Variants in ADCY9 observed in about 807,000 individuals in gnomAD.
The protein encoded by ADCY9 is adenylate cyclase 9.
ADCY9 carries 50 observed loss-of-function variants against 101.5 expected under a neutral mutation model. The observed-to-expected ratio is 0.49, with a 90% CI of 0.39 to 0.62. ADCY9 has a LOEUF of 0.62. Among genes scored for constraint, ADCY9 ranks in the 20% least tolerant of loss-of-function variants. ADCY9 has a pLI of 0.00. For synonymous variants in ADCY9, 905 were observed against 769.3 expected, an observed-to-expected ratio of 1.18 and a Z score of -2.92; for missense variants, 1,662 against 1,800.4, an observed-to-expected ratio of 0.92 and a Z score of 1.39.
chr16:4,015,227 G>C (rs533736233), intron 2 of ADCY9, among the ~76,000 whole-genome samples: 13 of 151,932 alleles, frequency 8.6e-5, no homozygotes, highest in African/African-American at 2.4e-4. Context: ...AGGCGTGAGC[G>C]ACCGTGCCTG....
chr16:4,058,772 C>T (rs896942474), intron 2 of ADCY9, among the ~76,000 whole-genome samples: 2 of 152,144 alleles, frequency 1.3e-5, no homozygotes, highest in African/African-American at 4.8e-5. Flanking sequence ...CTAAAAATCC[C>T]TCCGTCTTAG....
At chr16:4,070,406 A>C (rs1225032833) in intron 2 of ADCY9, among the ~76,000 whole-genome samples, 3 of 152,224 alleles carry the variant, frequency 2.0e-5, no homozygotes, top group Admixed American at 2.0e-4. Flanking sequence ...TGTGGATGAA[A>C]GTTTCAAATA....
At chr16:4,083,103 A>T (rs2056915914) in intron 2 of ADCY9, among the ~76,000 whole-genome samples, 1 of 152,232 alleles carries the variant, frequency 6.6e-6, no homozygotes, top group Non-Finnish European at 1.5e-5. Context: ...CCTCTGAATT[A>T]ATCAACCCTG....
intron 2 of ADCY9, among the ~76,000 whole-genome samples, chr16:4,057,787 G>A (rs1381426410): frequency 6.6e-6 from 1 of 152,132 alleles, no homozygotes; most frequent in East Asian, 1.9e-4. Context: ...GAGCACTGTG[G>A]CCAGCACGTT....
intron 2 of ADCY9, among the ~76,000 whole-genome samples, chr16:4,013,556 C>T (rs573177753): frequency 1.3e-5 from 2 of 152,352 alleles, no homozygotes; most frequent in East Asian, 1.9e-4. Flanking sequence ...TAGAAGCTTA[C>T]GTCACTTATG....
intron 2 of ADCY9, among the ~76,000 whole-genome samples, chr16:4,068,248 T>G (rs892346442): frequency 1.3e-5 from 2 of 152,074 alleles, no homozygotes; most frequent in African/African-American, 4.8e-5. Flanking sequence ...ATATAATGAA[T>G]TTTTGCCAAC....
intron 2 of ADCY9, among the ~76,000 whole-genome samples, chr16:4,066,055 G>C (rs2056799362): frequency 6.6e-6 from 1 of 152,212 alleles, no homozygotes; most frequent in African/African-American, 2.4e-5. Flanking sequence ...TCCTGCTGCT[G>C]CCTCTTAAGG....
chr16:3,987,732 A>G (rs1329124077), intron 6 of ADCY9, among the ~76,000 whole-genome samples: 1 of 152,192 alleles, frequency 6.6e-6, no homozygotes, highest in African/African-American at 2.4e-5. Context: ...TCTAGAGCCC[A>G]AGCCAGGACA....
chr16:4,057,342 GT>G (rs1452472019), intron 2 of ADCY9, among the ~76,000 whole-genome samples: 1 of 151,986 alleles, frequency 6.6e-6, no homozygotes, highest in African/African-American at 2.4e-5. Context: ...CAATTCATCT[GT>G]TTCCAGGGTA....
chr16:3,974,234 C>A (rs1159797595), intron 10 of ADCY9, among the ~76,000 whole-genome samples: 2 of 151,858 alleles, frequency 1.3e-5, no homozygotes. Context: ...TTAGTAGAGA[C>A]GGGGTTTCAC....
intron 5 of ADCY9, among the ~76,000 whole-genome samples, chr16:3,957,524 G>T (rs1408619881): frequency 6.6e-6 from 1 of 152,104 alleles, no homozygotes; most frequent in East Asian, 1.9e-4. Flanking sequence ...GGCCACAGGC[G>T]GAGTGCAGAA....
chr16:4,053,190 G>A (rs1489224195), intron 2 of ADCY9, among the ~76,000 whole-genome samples: 3 of 152,160 alleles, frequency 2.0e-5, no homozygotes, highest in South Asian at 2.1e-4. Flanking sequence ...ATACACCAGC[G>A]CGGTTATCCA....
chr16:4,028,073 A>G (rs961594437), intron 2 of ADCY9, among the ~76,000 whole-genome samples: 1 of 152,134 alleles, frequency 6.6e-6, no homozygotes, highest in Admixed American at 6.6e-5. Context: ...TTAAAAGGTC[A>G]ACCCTTGGGA....
At chr16:3,999,767 G>C (rs559170172) in intron 3 of ADCY9, among the ~76,000 whole-genome samples, 1 of 152,238 alleles carries the variant, frequency 6.6e-6, no homozygotes, top group Non-Finnish European at 1.5e-5. Context: ...CGTGGGCTTT[G>C]GAGGGAAGAG....
At chr16:4,000,906 A>G (rs1332519137) in intron 3 of ADCY9, among the ~76,000 whole-genome samples, 2 of 150,078 alleles carry the variant, frequency 1.3e-5, no homozygotes, top group Non-Finnish European at 3.0e-5. Flanking sequence ...TGGAAATGCA[A>G]TATTTCACTC....
intron 2 of ADCY9, among the ~76,000 whole-genome samples, chr16:4,099,915 G>A (rs148721167): frequency 4.6e-4 from 70 of 152,320 alleles, no homozygotes; most frequent in African/African-American, 1.5e-3. Context: ...TCAGCTGGGC[G>A]TGGTGGTGCA....
At chr16:4,022,783 G>C (rs1332454201) in intron 2 of ADCY9, among the ~76,000 whole-genome samples, 1 of 152,166 alleles carries the variant, frequency 6.6e-6, no homozygotes, top group Non-Finnish European at 1.5e-5. Context: ...ATCAGAGTAA[G>C]ACCCTGTCTC....
intron 2 of ADCY9, among the ~76,000 whole-genome samples, chr16:4,084,037 C>T (rs2056921764): frequency 6.6e-6 from 1 of 152,074 alleles, no homozygotes; most frequent in Non-Finnish European, 1.5e-5. Flanking sequence ...TTCTTTTTGA[C>T]ACAGGGTCTC....
intron 2 of ADCY9, among the ~76,000 whole-genome samples, chr16:4,027,499 G>A (rs2056524091): frequency 6.6e-6 from 1 of 152,242 alleles, no homozygotes; most frequent in South Asian, 2.1e-4. Flanking sequence ...TCACAATCAT[G>A]GCAGAGGGCA....
Sources: gnomAD v4.1 joint callset for allele counts (sites outside exome capture counted in the v4.1 genomes callset) on GRCh38, gnomAD v4.1.1 for gene constraint, MANE v1.5 for transcripts, NCBI Gene and HGNC (gene_info 2026-07-23, HGNC 2026-07-21) for gene names.